GRIK2: variants seen among roughly 807,000 people sequenced by gnomAD.
GRIK2 encodes the protein glutamate ionotropic receptor kainate type subunit 2.
A neutral mutation model predicts 100.3 loss-of-function variants in GRIK2; 32 were observed. That is an observed-to-expected ratio of 0.32 (90% CI 0.24 to 0.43). GRIK2 has a LOEUF of 0.43. GRIK2 is among the 20% of genes least tolerant of loss of function. The pLI is 1.00. For synonymous variants in GRIK2, 417 were observed against 389.4 expected (o/e 1.07, Z -0.83); for missense variants, 843 against 1,114.9 (o/e 0.76, Z 3.47).
At chr6:101,430,888 A>G in intron 2 of GRIK2, 1 of 345,384 alleles carries the variant, frequency 2.9e-6, no homozygotes, top group Non-Finnish European at 6.0e-6. Context: ...GTGGTGGTGA[A>G]GCTGTAGCCA....
intron 2 of GRIK2, among the ~76,000 whole-genome samples, chr6:101,562,308 A>T (rs914279342): frequency 1.3e-5 from 2 of 151,874 alleles, no homozygotes; most frequent in African/African-American, 4.8e-5. Flanking sequence ...CAGTTCTGTC[A>T]TAATGGACAC....
chr6:101,598,243 ATCT>A, intron 2 of GRIK2, among the ~76,000 whole-genome samples: 1 of 151,416 alleles, frequency 6.6e-6, no homozygotes, highest in African/African-American at 2.4e-5. Context: ...CCCCTTTTCA[ATCT>A]TCTTCCTAGT....
intron 2 of GRIK2, among the ~76,000 whole-genome samples, chr6:101,513,502 T>G (rs1389375663): frequency 6.6e-6 from 1 of 152,156 alleles, no homozygotes; most frequent in Non-Finnish European, 1.5e-5. Context: ...GATGCAAATT[T>G]TTCCCCACAA....
At chr6:101,839,470 G>A (rs1017537806) in intron 10 of GRIK2, among the ~76,000 whole-genome samples, 6 of 150,364 alleles carry the variant, frequency 4.0e-5, no homozygotes, top group African/African-American at 1.5e-4. Context: ...GAACAGATAG[G>A]CAACATCAAA....
intron 2 of GRIK2, among the ~76,000 whole-genome samples, chr6:101,402,912 G>A (rs1775399955): frequency 6.6e-6 from 1 of 152,166 alleles, no homozygotes; most frequent in Non-Finnish European, 1.5e-5. Flanking sequence ...TTCCGTCCGC[G>A]GGGGTGTGAC....
chr6:101,832,665 GA>G (rs1306235652), intron 10 of GRIK2, among the ~76,000 whole-genome samples: 3 of 152,156 alleles, frequency 2.0e-5, no homozygotes, highest in African/African-American at 7.2e-5. Context: ...AGAAACTGAA[GA>G]AACAAAACAT....
At chr6:101,685,669 A>G (rs1186784878) in intron 6 of GRIK2, among the ~76,000 whole-genome samples, 1 of 152,186 alleles carries the variant, frequency 6.6e-6, no homozygotes, top group Non-Finnish European at 1.5e-5. Flanking sequence ...GCAACCAAAA[A>G]GGCTAGTCTT....
intron 9 of GRIK2, among the ~76,000 whole-genome samples, chr6:101,804,590 CAGGT>C (rs1780871782): frequency 6.6e-6 from 1 of 151,746 alleles, no homozygotes; most frequent in African/African-American, 2.4e-5. Context: ...ATGGAGGAGC[CAGGT>C]AGGAAAAGGG....
intron 2 of GRIK2, among the ~76,000 whole-genome samples, chr6:101,563,046 G>A (rs1211116155): frequency 6.6e-6 from 1 of 152,180 alleles, no homozygotes; most frequent in Non-Finnish European, 1.5e-5. Context: ...TAGGGCAGCT[G>A]CTCCTACCAG....
intron 2 of GRIK2, among the ~76,000 whole-genome samples, chr6:101,412,216 A>G (rs910825971): frequency 2.6e-5 from 4 of 152,064 alleles, no homozygotes; most frequent in Non-Finnish European, 5.9e-5. Flanking sequence ...TTAAACCAGA[A>G]TATTCTTATA....
At chr6:102,033,656 A>ATATT (rs1170790464) in intron 14 of GRIK2, among the ~76,000 whole-genome samples, 2 of 151,306 alleles carry the variant, frequency 1.3e-5, no homozygotes, top group Non-Finnish European at 3.0e-5. Context: ...CTGAGCTTTC[A>ATATT]TATTTATTAT....
rs554983971 is a variant in GRIK2, at chr6:101,804,033, TGATAA to T, written c.1203+1601_1203+1605del. 1.1e-3 allele frequency among the ~76,000 whole-genome samples: 167 copies of T among 151,998 alleles called. 1 individual carries two copies. Among genetic ancestry groups the T allele is most frequent in the African/African-American group, 3.2e-3 (133 of 41,532 alleles). On this transcript the variant is annotated intron_variant, in intron 9 of 16. Coordinates refer to ENST00000369134, the MANE Select transcript of GRIK2 (RefSeq NM_021956.5). ...TCCTCAAGGGGCTTTTCATGTACAG[TGATAA>T]GATAATACATATTTGTAAATAAATA...
intron 4 of GRIK2, among the ~76,000 whole-genome samples, chr6:101,674,614 A>G (rs1770692694): frequency 6.6e-6 from 1 of 152,212 alleles, no homozygotes; most frequent in Non-Finnish European, 1.5e-5. Flanking sequence ...ACCTGTACTC[A>G]TTAAACACAT....
At chr6:101,779,822 T>C (rs1208211436) in intron 7 of GRIK2, among the ~76,000 whole-genome samples, 1 of 152,124 alleles carries the variant, frequency 6.6e-6, no homozygotes, top group Non-Finnish European at 1.5e-5. Context: ...ATGTATATAA[T>C]CCATATGCAT....
chr6:101,424,176 T>A (rs1015664510), intron 2 of GRIK2, among the ~76,000 whole-genome samples: 3 of 152,190 alleles, frequency 2.0e-5, no homozygotes, highest in Admixed American at 6.5e-5. Context: ...TTTTTTATTT[T>A]TTTTTATTAT....
chr6:101,816,314 ACAGT>A (rs1404486742), intron 9 of GRIK2, among the ~76,000 whole-genome samples: 1 of 152,194 alleles, frequency 6.6e-6, no homozygotes, highest in East Asian at 1.9e-4. Flanking sequence ...TAGAAAAGTG[ACAGT>A]CATTCACTGC....
At chr6:101,906,504 T>A (rs193116343) in intron 12 of GRIK2, among the ~76,000 whole-genome samples, 1 of 151,652 alleles carries the variant, frequency 6.6e-6, no homozygotes, top group African/African-American at 2.4e-5. Context: ...ACGTAATGCA[T>A]GTTCTGTCTA....
At chr6:101,966,995 A>C (rs990878924) in intron 14 of GRIK2, among the ~76,000 whole-genome samples, 3 of 152,044 alleles carry the variant, frequency 2.0e-5, no homozygotes, top group Non-Finnish European at 4.4e-5. Flanking sequence ...CTAAGTTTTA[A>C]GTTACCTAAA....
intron 7 of GRIK2, among the ~76,000 whole-genome samples, chr6:101,716,109 A>G (rs1046845890): frequency 6.6e-6 from 1 of 151,690 alleles, no homozygotes; most frequent in Admixed American, 6.6e-5. Context: ...GCGTCTATGA[A>G]TAAACCTAAA....
Sources: allele counts gnomAD v4.1 joint callset (sites outside exome capture counted in the v4.1 genomes callset), GRCh38; gene constraint gnomAD v4.1.1; transcripts MANE v1.5; gene names NCBI Gene and HGNC (gene_info 2026-07-23, HGNC 2026-07-21).